The following SVIL variants were observed in gnomAD, a reference collection of about 807,000 sequenced individuals.
SVIL encodes archvillin.
SVIL carries 101 observed loss-of-function variants against 240.4 expected under a neutral mutation model. The observed-to-expected ratio is 0.42, with a 90% confidence interval of 0.36 to 0.50. The LOEUF is 0.50. SVIL is among the 20% of genes least tolerant of loss of function. SVIL has a pLI of 0.01. For missense variants in SVIL, 2,512 were observed against 2,818.7 expected (o/e 0.89, Z 2.46); for synonymous variants, 999 against 1,100.0 (o/e 0.91, Z 1.82).
At chr10:29,711,685 G>A (rs1222420540) in intron 1 of SVIL, among the ~76,000 whole-genome samples, 1 of 151,826 alleles carries the variant, frequency 6.6e-6, no homozygotes, top group Non-Finnish European at 1.5e-5. Flanking sequence ...ACTTGAACTC[G>A]GGAGGTAGAG....
intron 16 of SVIL, among the ~76,000 whole-genome samples, chr10:29,514,082 C>T (rs1589063671): frequency 6.6e-6 from 1 of 152,028 alleles, no homozygotes; most frequent in East Asian, 1.9e-4. Context: ...ATCCTTTTCC[C>T]TCTGTGCTGG....
Position 29,530,684 on chromosome 10 carries a change from A to C in SVIL, c.2045-16T>G. 1 of 1,614,054 alleles carries C rather than the reference A, an allele frequency of 6.2e-7. No homozygotes were observed. Among genetic ancestry groups the C allele is most frequent in the Non-Finnish European group, 8.5e-7 (1 of 1,179,960 alleles). On this transcript the variant is annotated splice_polypyrimidine_tract_variant and intron_variant, in intron 10 of 37. Transcript: ENST00000355867. The stretch of plus-strand genomic sequence containing the variant: ...TTTTCTTCATCTGCAAAAAGCCACA[A>C]ATTAAAAACTGGACATCATTAGAGA...
In SVIL at chr10:29,533,080, T is replaced by G; in HGVS notation, c.1287A>C (p.Glu429Asp). The G allele has an allele frequency of 6.2e-7, 1 of 1,614,014 alleles. No individual in the cohort carries two copies. The highest frequency in any genetic ancestry group is 1.7e-5 in the Admixed American group (1 of 59,962). Residue 429 changes from glutamate (E) to aspartate (D), a missense_variant, in exon 8 of 38, where the codon GAA (glutamate) becomes GAC (aspartate). Coordinates refer to ENST00000355867, the MANE Select transcript of SVIL (RefSeq NM_021738.3). Reference sequence around the variant, plus strand: ...CTTCTCCTTCTCCTTCCCCTTCTTCTTCTTCTGCTTTTGACTCGCAGACAT... The same window carrying G: ...CTTCTCCTTCTCCTTCCCCTTCTTCGTCTTCTGCTTTTGACTCGCAGACAT... ...VLHVCESKAE[E>D]EEGEGEGEEK...
intron 2 of SVIL, 77 bp downstream of exon 2, chr10:29,569,178 A>T: frequency 1.6e-6 from 1 of 626,644 alleles, no homozygotes; most frequent in Non-Finnish European, 2.0e-6. Context: ...CTCATGAGTT[A>T]GACATTCAAG....
chr10:29,674,240 G>A (rs1224712715), intron 2 of SVIL, among the ~76,000 whole-genome samples: 3 of 152,088 alleles, frequency 2.0e-5, no homozygotes, highest in Non-Finnish European at 2.9e-5. Flanking sequence ...GAAGCCAAGT[G>A]GGGAGGATCA....
intron 1 of SVIL, among the ~76,000 whole-genome samples, chr10:29,573,258 GT>G (rs1222140117): frequency 6.6e-6 from 1 of 151,742 alleles, no homozygotes; most frequent in Non-Finnish European, 1.5e-5. Context: ...TTTTTTAATT[GT>G]TGGGTATTAT....
chr10:29,628,317 T>C (rs567152064), intron 1 of SVIL, among the ~76,000 whole-genome samples: 2 of 152,334 alleles, frequency 1.3e-5, no homozygotes, highest in African/African-American at 4.8e-5. Flanking sequence ...AACTGCAACA[T>C]GTATATGTCT....
intron 22 of SVIL, among the ~76,000 whole-genome samples, chr10:29,490,379 G>C (rs12357740): frequency 0.095 from 14,437 of 152,194 alleles, 870 homozygotes; most frequent in Non-Finnish European, 0.13. Flanking sequence ...AGGATCTACA[G>C]AGCTGAAAAT....
chr10:29,691,399 G>C (rs1961495653), intron 1 of SVIL, among the ~76,000 whole-genome samples: 1 of 152,000 alleles, frequency 6.6e-6, no homozygotes, highest in African/African-American at 2.4e-5. Context: ...TTTTAGTAGA[G>C]ACGGTGTTTC....
chr10:29,621,157 G>C (rs1273000168), intron 1 of SVIL, among the ~76,000 whole-genome samples: 1 of 152,078 alleles, frequency 6.6e-6, no homozygotes, highest in Non-Finnish European at 1.5e-5. Context: ...TAAGAATCAG[G>C]TAAATCTTGT....
intron 16 of SVIL, among the ~76,000 whole-genome samples, chr10:29,514,662 T>G (rs1434111742): frequency 6.6e-6 from 1 of 152,184 alleles, no homozygotes; most frequent in Non-Finnish European, 1.5e-5. Flanking sequence ...ATTACAGGCA[T>G]GAGACAGCGC....
chr10:29,708,973 G>A (rs996189791), intron 1 of SVIL, among the ~76,000 whole-genome samples: 9 of 151,786 alleles, frequency 5.9e-5, no homozygotes, highest in Non-Finnish European at 1.2e-4. Context: ...GATAATGTTA[G>A]GGAAGTCTCC....
chr10:29,481,072 A>G (rs1470323280), intron 28 of SVIL, among the ~76,000 whole-genome samples: 1 of 151,656 alleles, frequency 6.6e-6, no homozygotes, highest in East Asian at 1.9e-4. Flanking sequence ...GAGTCAGATT[A>G]GAATTGGAGG....
chr10:29,522,175 G>A (rs1430878404), intron 16 of SVIL, among the ~76,000 whole-genome samples: 3 of 152,068 alleles, frequency 2.0e-5, no homozygotes, highest in Non-Finnish European at 2.9e-5. Flanking sequence ...TTTCTCATCT[G>A]AGTCTGGAAC....
chr10:29,608,947 C>T (rs4749468), intron 1 of SVIL, among the ~76,000 whole-genome samples: 36,018 of 152,136 alleles, frequency 0.24, 5,012 homozygotes, highest in East Asian at 0.34. Flanking sequence ...GCCAATCAGA[C>T]GGTGCTTTTT....
intron 3 of SVIL, among the ~76,000 whole-genome samples, chr10:29,650,378 C>T (rs1001486638): frequency 4.6e-5 from 7 of 152,124 alleles, no homozygotes; most frequent in Non-Finnish European, 5.9e-5. Context: ...TGAAAAGCAT[C>T]TGTGTGTGTG....
chr10:29,519,882 G>T (rs1950451922), intron 16 of SVIL, among the ~76,000 whole-genome samples: 1 of 152,150 alleles, frequency 6.6e-6, no homozygotes, highest in Non-Finnish European at 1.5e-5. Flanking sequence ...ATTCAATTCT[G>T]AATACACTTC....
At chr10:29,591,827 A>C (rs1956401938) in intron 1 of SVIL, among the ~76,000 whole-genome samples, 1 of 152,252 alleles carries the variant, frequency 6.6e-6, no homozygotes, top group South Asian at 2.1e-4. Flanking sequence ...GGGAGATCCA[A>C]GTGCTCTGGG....
chr10:29,560,154 C>T (rs1230190423), intron 3 of SVIL, among the ~76,000 whole-genome samples: 4 of 152,128 alleles, frequency 2.6e-5, no homozygotes, highest in Non-Finnish European at 5.9e-5. Context: ...GGAGTAAAGC[C>T]CTTTAACTTT....
Sources: gnomAD v4.1 joint callset for allele counts (sites outside exome capture counted in the v4.1 genomes callset) on GRCh38, gnomAD v4.1.1 for gene constraint, MANE v1.5 for transcripts, NCBI Gene and HGNC (gene_info 2026-07-23, HGNC 2026-07-21) for gene names.